Variants in DNER observed in about 807,000 individuals in gnomAD.
DNER encodes delta/notch like EGF repeat containing.
In DNER, 33 loss-of-function variants were observed where a neutral mutation model predicts 78.2. The ratio of observed to expected loss-of-function variants is 0.42; its 90% CI spans 0.32 to 0.56. The LOEUF is 0.56. Ranked by LOEUF, DNER falls within the 20% of genes least tolerant of loss-of-function variation. The pLI is 0.11. For missense variants in DNER, 918 were observed against 975.3 expected (o/e 0.94, Z 0.78); for synonymous variants, 417 against 384.8 (o/e 1.08, Z -0.98).
chr2:229,598,622 C>T (rs577472331), intron 1 of DNER, among the ~76,000 whole-genome samples: 4 of 152,110 alleles, frequency 2.6e-5, no homozygotes, highest in African/African-American at 4.8e-5. Flanking sequence ...AAATAGGAAA[C>T]GAAATTATGA....
intron 1 of DNER, among the ~76,000 whole-genome samples, chr2:229,598,590 AG>A (rs1697767203): frequency 1.1e-4 from 7 of 61,740 alleles, no homozygotes; most frequent in African/African-American, 3.4e-4. Context: ...ATGCTGAGGG[AG>A]AGAATGGATC....
chr2:229,585,952 G>A lies in DNER; in HGVS notation c.753C>T (p.Ser251=). 1 of 1,614,124 alleles carries A rather than the reference G, an allele frequency of 6.2e-7. No homozygotes were observed. The highest frequency in any genetic ancestry group is 8.5e-7 in the Non-Finnish European group (1 of 1,179,990). The part of the protein sequence containing the change: ...KVTATGFQQC[S]LIDGRSVTPL... ...GGGTCACACTTCGTCCATCTATGAG[G>A]GAGCACTGTTGGAATCCTGTGGCCG... The change falls in exon 4 of 13, where the codon TCC becomes TCT. Residue 251 remains serine (S), a synonymous_variant. Transcript: ENST00000341772.
chr2:229,585,761 G>T, intron 4 of DNER, 97 bp downstream of exon 4: 1 of 1,328,986 alleles, frequency 7.5e-7, no homozygotes. Context: ...ATAGAATTCA[G>T]ATTATCTGAG....
rs1037954350 is a variant in DNER, at chr2:229,684,647, C to T, written c.276+29501G>A. 7.2e-5 allele frequency among the ~76,000 whole-genome samples: 11 copies of T among 152,198 alleles called. No homozygotes were observed. In the East Asian group the frequency reaches 1.2e-3, roughly 16 times the overall value. ...AGCTGGAAATTTACCTTGAATTTAC[C>T]GCTCATCCAGTGAGTGACAGAAGTA... On this transcript the variant is annotated intron_variant, in intron 1 of 12. Coordinates refer to ENST00000341772, the MANE Select transcript of DNER (RefSeq NM_139072.4).
intron 1 of DNER, among the ~76,000 whole-genome samples, chr2:229,596,479 A>G (rs1287063230): frequency 6.6e-6 from 1 of 152,234 alleles, no homozygotes; most frequent in Non-Finnish European, 1.5e-5. Flanking sequence ...CCCACTTCAC[A>G]GGTGGCTTTC....
intron 8 of DNER, among the ~76,000 whole-genome samples, chr2:229,432,766 C>G (rs781206800): frequency 5.3e-5 from 8 of 152,166 alleles, no homozygotes; most frequent in Non-Finnish European, 8.8e-5. Flanking sequence ...CTTAAACCCT[C>G]TAACATGGTT....
rs190603832 is a variant in DNER at position 229,670,391 on chromosome 2, T to C, written c.276+43757A>G. Among the ~76,000 whole-genome samples the C allele has an allele frequency of 1.4e-3, 214 of 151,732 alleles. 1 individual carries two copies. The highest frequency in any genetic ancestry group is 2.2e-3 in the Non-Finnish European group (149 of 68,020). ...GTGAAAGCACTCCCAGCTAAGTCTA[T>C]TCATCATTGCACACGGTGGGTAATG... On this transcript the variant is annotated intron_variant, in intron 1 of 12. Transcript: ENST00000341772.
At chr2:229,412,856 C>G (rs899634398) in intron 9 of DNER, among the ~76,000 whole-genome samples, 1 of 152,136 alleles carries the variant, frequency 6.6e-6, no homozygotes, top group Non-Finnish European at 1.5e-5. Context: ...GGGGAGGCTT[C>G]ATAGATTTCA....
At chr2:229,460,602 A>C (rs1472337352) in intron 7 of DNER, among the ~76,000 whole-genome samples, 1 of 152,102 alleles carries the variant, frequency 6.6e-6, no homozygotes, top group Non-Finnish European at 1.5e-5. Flanking sequence ...ATCTGATGAC[A>C]TTATAAATTT....
At chr2:229,428,532 T>C (rs1021029786) in intron 8 of DNER, among the ~76,000 whole-genome samples, 27 of 152,190 alleles carry the variant, frequency 1.8e-4, no homozygotes, top group Admixed American at 1.5e-3. Context: ...TTCTAGGCAC[T>C]TTAAAATACA....
chr2:229,382,269 C>A (rs574653269), intron 11 of DNER, among the ~76,000 whole-genome samples: 1 of 152,294 alleles, frequency 6.6e-6, no homozygotes, highest in East Asian at 1.9e-4. Flanking sequence ...AGGTCACCAA[C>A]ATCAAAGACC....
At position 229,357,702 on chromosome 2, in the gene DNER, T is replaced by C. The variant is rs945155530; in HGVS notation, c.*838A>G. On this transcript the variant is annotated 3_prime_UTR_variant, in exon 13 of 13. Coordinates refer to ENST00000341772, the MANE Select transcript of DNER (RefSeq NM_139072.4). ...TCAGAAGAAGCACATATCAATCAAA[T>C]ACAGCCACAAAAACATCCTGGAGAT... 4 of 152,172 alleles carry C rather than the reference T, an allele frequency of 2.6e-5. No individual in the cohort carries two copies. The highest frequency in any genetic ancestry group is 4.4e-5 in the Non-Finnish European group (3 of 68,040). The allele number at this position is 152,172 out of a possible 1,614,324, so 9.4% of individuals were successfully genotyped here. A position where few individuals can be genotyped will look rare whatever the true frequency, so the allele number is the denominator to read the frequency against.
chr2:229,680,572 A>G (rs1024301562), intron 1 of DNER, among the ~76,000 whole-genome samples: 1 of 152,208 alleles, frequency 6.6e-6, no homozygotes, highest in African/African-American at 2.4e-5. Context: ...TCAACACTGG[A>G]ATGTCCAATG....
intron 7 of DNER, among the ~76,000 whole-genome samples, chr2:229,458,227 G>A (rs1265206105): frequency 1.4e-5 from 2 of 145,870 alleles, no homozygotes; most frequent in African/African-American, 5.0e-5. Flanking sequence ...AGTATTCTCT[G>A]TTAAAATCAG....
intron 1 of DNER, among the ~76,000 whole-genome samples, chr2:229,675,466 C>G (rs1265403624): frequency 6.6e-6 from 1 of 152,230 alleles, no homozygotes; most frequent in African/African-American, 2.4e-5. Context: ...CTGTCACTTT[C>G]ACATCATGTT....
chr2:229,405,713 A>G (rs1693364146), intron 10 of DNER, among the ~76,000 whole-genome samples: 1 of 152,218 alleles, frequency 6.6e-6, no homozygotes, highest in African/African-American at 2.4e-5. Context: ...TACACTATAT[A>G]CTACACACAC....
chr2:229,509,227 C>T lies in DNER; in HGVS notation c.1147+3556G>A, dbSNP rs570362844. 3.9e-5 allele frequency among the ~76,000 whole-genome samples: 6 copies of T among 152,290 alleles called. No individual in the cohort carries two copies. The South Asian group carries it at 1.0e-3, about 26-fold the overall frequency. On this transcript the variant is annotated intron_variant, in intron 6 of 12. Coordinates refer to ENST00000341772, the MANE Select transcript of DNER (RefSeq NM_139072.4). Reference sequence around the variant, plus strand: ...ACAAACCTAGATAAAAAATATCAAACTGAAATCATGTCAGTCCAAATATAT... The same window carrying T: ...ACAAACCTAGATAAAAAATATCAAATTGAAATCATGTCAGTCCAAATATAT...
intron 1 of DNER, among the ~76,000 whole-genome samples, chr2:229,632,659 A>C (rs1424384158): frequency 1.3e-5 from 2 of 152,222 alleles, no homozygotes; most frequent in African/African-American, 2.4e-5. Flanking sequence ...AAAGAATTAC[A>C]AAGCAGTACT....
At chr2:229,484,145 G>C (rs527679775) in intron 6 of DNER, among the ~76,000 whole-genome samples, 1 of 152,262 alleles carries the variant, frequency 6.6e-6, no homozygotes, top group African/African-American at 2.4e-5. Context: ...TAAAGTTTTT[G>C]TCCCAAAATC....
Sources: gnomAD v4.1 joint callset for allele counts (sites outside exome capture counted in the v4.1 genomes callset) on GRCh38, gnomAD v4.1.1 for gene constraint, MANE v1.5 for transcripts, NCBI Gene and HGNC (gene_info 2026-07-23, HGNC 2026-07-21) for gene names.